The following LRRC37A3 variants were observed in gnomAD, a reference collection of about 807,000 sequenced individuals.
The protein encoded by LRRC37A3 is leucine-rich repeat-containing protein 37A3.
In LRRC37A3, 25 loss-of-function variants were observed where a neutral mutation model predicts 106.2. That is an observed-to-expected ratio of 0.24 (90% CI 0.17 to 0.33). The LOEUF is 0.33. LRRC37A3 is among the 10% of genes least tolerant of loss of function. The pLI, the probability that LRRC37A3 is intolerant of heterozygous loss-of-function variation, is 1.00. For missense variants in LRRC37A3, 712 were observed against 1,644.9 expected (o/e 0.43, Z 9.81); for synonymous variants, 305 against 635.8 (o/e 0.48, Z 7.83).
At chr17:64,862,355 A>T (rs1242514327) in intron 11 of LRRC37A3, among the ~76,000 whole-genome samples, 12 of 152,106 alleles carry the variant, frequency 7.9e-5, no homozygotes, top group African/African-American at 2.4e-5. Flanking sequence ...GGATGGTCTA[A>T]GAATGGAAAA....
intron 4 of LRRC37A3, among the ~76,000 whole-genome samples, chr17:64,893,847 T>C (rs1412946411): frequency 1.4e-5 from 2 of 148,118 alleles, no homozygotes; most frequent in Non-Finnish European, 2.9e-5. Flanking sequence ...AGAGATGGGG[T>C]TTCACCATGT....
chr17:64,854,207 T>C lies in LRRC37A3; in HGVS notation c.*392A>G, dbSNP rs958740748. 2.0e-5 allele frequency: 6 copies of C among 302,802 alleles called. No homozygotes were observed. The highest frequency in any genetic ancestry group is 3.7e-5 in the Non-Finnish European group (6 of 164,098). 18.8% of individuals were successfully genotyped at this position (302,802 alleles called of 1,614,324 possible). A position where few individuals can be genotyped will look rare whatever the true frequency, so the allele number is the denominator to read the frequency against. On this transcript the variant is annotated 3_prime_UTR_variant, in exon 15 of 15. Coordinates refer to ENST00000584306, the MANE Select transcript of LRRC37A3 (RefSeq NM_199340.5). Reference sequence around the variant, plus strand: ...CCTACCAAGTCGGGATGAACATTCATGCGTGTGCTTGAGGGCTTGGGAAAA... The same window carrying C: ...CCTACCAAGTCGGGATGAACATTCACGCGTGTGCTTGAGGGCTTGGGAAAA...
intron 8 of LRRC37A3, among the ~76,000 whole-genome samples, chr17:64,882,665 G>A (rs960285744): frequency 5.3e-5 from 8 of 150,324 alleles, no homozygotes; most frequent in East Asian, 2.0e-4. Context: ...AGACTGGGGG[G>A]AACAGTAAGG....
intron 8 of LRRC37A3, 31 bp from the exon 9 acceptor site, chr17:64,869,197 G>T: frequency 6.2e-7 from 1 of 1,608,294 alleles, no homozygotes; most frequent in South Asian, 1.1e-5. Flanking sequence ...AAAATAACCT[G>T]CATTTTCAAT....
At chr17:64,910,576 C>CA (rs961456654) in intron 2 of LRRC37A3, among the ~76,000 whole-genome samples, 3 of 142,054 alleles carry the variant, frequency 2.1e-5, no homozygotes, top group African/African-American at 7.7e-5. Context: ...TTCTAGACTT[C>CA]AAAAAACAAC....
intron 8 of LRRC37A3, among the ~76,000 whole-genome samples, chr17:64,872,866 T>C (rs958290751): frequency 6.6e-6 from 1 of 152,026 alleles, no homozygotes; most frequent in African/African-American, 2.4e-5. Flanking sequence ...CTTGAGGTTC[T>C]GCACAAGCAA....
At chr17:64,861,412 C>A (rs1469141394) in intron 11 of LRRC37A3, among the ~76,000 whole-genome samples, 6 of 152,192 alleles carry the variant, frequency 3.9e-5, no homozygotes, top group Non-Finnish European at 8.8e-5. Flanking sequence ...TTCTTGCTAC[C>A]ATCACAGCTG....
chr17:64,884,313 A>G (rs952392419), intron 8 of LRRC37A3, among the ~76,000 whole-genome samples: 2 of 151,198 alleles, frequency 1.3e-5, no homozygotes, highest in African/African-American at 4.9e-5. Context: ...TGCCTACATA[A>G]TTGTAGTGAA....
In LRRC37A3 at chr17:64,860,383, C is replaced by T. The variant is rs371356611; in HGVS notation, c.3763G>A (p.Ala1255Thr). The T allele has an allele frequency of 2.9e-5, 46 of 1,613,814 alleles. No individual in the cohort carries two copies. Among genetic ancestry groups the T allele is most frequent in the Admixed American group, 8.3e-5 (5 of 59,986 alleles). ...TTTGCAGGGCTGGAGGTAGAAGGCG[C>T]GCCCTTGGAGAAGGGTTTCAGCACA... ...VSVLKPFSKG[A>T]PSTSSPAKAL... Residue 1255 changes from alanine (A) to threonine (T), a missense_variant, in exon 12 of 15, where the codon GCG becomes ACG. Physicochemically the swap from Ala to Thr is moderately conservative, Grantham distance 58. Transcript: ENST00000584306.
intron 12 of LRRC37A3, among the ~76,000 whole-genome samples, 157 bp downstream of exon 12, chr17:64,859,285 C>A (rs1238787727): frequency 6.6e-6 from 1 of 152,080 alleles, no homozygotes; most frequent in Non-Finnish European, 1.5e-5. Flanking sequence ...CTATTTCACT[C>A]TCTACATGAG....
chr17:64,863,812 T>C (rs1236912433), intron 10 of LRRC37A3, among the ~76,000 whole-genome samples: 1 of 151,970 alleles, frequency 6.6e-6, no homozygotes, highest in Non-Finnish European at 1.5e-5. Context: ...AGGGGAAAAT[T>C]ATTATTTTTT....
intron 9 of LRRC37A3, 70 bp from the exon 10 acceptor site, chr17:64,868,606 T>C: frequency 6.5e-7 from 1 of 1,533,874 alleles, no homozygotes; most frequent in African/African-American, 1.4e-5. Context: ...CAATTCAATT[T>C]TGGCTTCTCT....
In LRRC37A3 at chr17:64,860,385, C is replaced by T; in HGVS notation, c.3761G>A (p.Gly1254Asp). Reference sequence around the variant, plus strand: ...TGCAGGGCTGGAGGTAGAAGGCGCGCCCTTGGAGAAGGGTTTCAGCACAGA... The same window carrying T: ...TGCAGGGCTGGAGGTAGAAGGCGCGTCCTTGGAGAAGGGTTTCAGCACAGA... ...AVSVLKPFSK[G>D]APSTSSPAKA... The change falls in exon 12 of 15, where the codon GGC becomes GAC. Residue 1254 changes from glycine (G) to aspartate (D), a missense_variant. Transcript: ENST00000584306. The T allele has an allele frequency of 6.2e-7, 1 of 1,613,944 alleles. No individual in the cohort carries two copies. The highest frequency in any genetic ancestry group is 8.5e-7 in the Non-Finnish European group (1 of 1,179,874).
intron 1 of LRRC37A3, among the ~76,000 whole-genome samples, chr17:64,919,207 C>T (rs1376377018): frequency 6.6e-6 from 1 of 151,860 alleles, no homozygotes; most frequent in African/African-American, 2.4e-5. Flanking sequence ...GCGCAGCGCT[C>T]CGCAGAGGGA....
intron 13 of LRRC37A3, among the ~76,000 whole-genome samples, chr17:64,856,171 A>C (rs1206398322): frequency 1.3e-5 from 2 of 151,960 alleles, no homozygotes; most frequent in African/African-American, 4.8e-5. Context: ...GCTTATAACC[A>C]ACACGCATCC....
At chr17:64,866,620 ATATATATATTT>A (rs1313989654) in intron 10 of LRRC37A3, among the ~76,000 whole-genome samples, 3 of 24,964 alleles carry the variant, frequency 1.2e-4, no homozygotes, top group Non-Finnish European at 1.3e-4. Context: ...ATATATATAT[ATATATATATTT>A]TTTTTTTTTT....
At position 64,864,390 on chromosome 17, in the gene LRRC37A3, G is replaced by A. The variant is rs1472492327; in HGVS notation, c.3054-1372C>T. Among the ~76,000 whole-genome samples, 3 of 152,172 alleles carry A rather than the reference G, an allele frequency of 2.0e-5. No homozygotes were observed. The East Asian group carries it at 5.8e-4, about 29-fold the overall frequency. ...AGTAGAGGCATGTTTTAGATTAAAGGAAATGAAGACATGACATGCAGTGCC... is the reference window on the plus strand; with the variant it reads ...AGTAGAGGCATGTTTTAGATTAAAGAAAATGAAGACATGACATGCAGTGCC... On this transcript the variant is annotated intron_variant, in intron 10 of 14. Coordinates refer to ENST00000584306, the MANE Select transcript of LRRC37A3 (RefSeq NM_199340.5).
rs1229685712 is a variant in LRRC37A3, at chr17:64,860,605, C to T, written c.3541G>A (p.Glu1181Lys). The change falls in exon 12 of 15, where the codon GAG becomes AAG. Residue 1181 changes from glutamate (E) to lysine (K), a missense_variant. By Grantham distance (56) the Glu-to-Lys change is moderately conservative. Coordinates refer to ENST00000584306, the MANE Select transcript of LRRC37A3 (RefSeq NM_199340.5). Reference sequence around the variant, plus strand: ...CTCCTGATGCTCTGCCTTCCTACCTCTTTGAAGTGCCTTTTCTGGATGCTC... The same window carrying T: ...CTCCTGATGCTCTGCCTTCCTACCTTTTTGAAGTGCCTTTTCTGGATGCTC... Reference protein sequence around the residue: ...PRSIQKRHFKEVGRQSIRREQ... With the variant: ...PRSIQKRHFKKVGRQSIRREQ... The T allele has an allele frequency of 6.2e-7, 1 of 1,613,920 alleles. No individual in the cohort carries two copies. The highest frequency in any genetic ancestry group is 1.1e-5 in the South Asian group (1 of 91,078).
intron 8 of LRRC37A3, among the ~76,000 whole-genome samples, chr17:64,876,011 C>G (rs1283648855): frequency 2.0e-5 from 3 of 152,144 alleles, no homozygotes; most frequent in Non-Finnish European, 4.4e-5. Context: ...GCTGAGACGA[C>G]AGATGCGCAC....
Sources: allele counts gnomAD v4.1 joint callset (sites outside exome capture counted in the v4.1 genomes callset), GRCh38; gene constraint gnomAD v4.1.1; transcripts MANE v1.5; gene names NCBI Gene and HGNC (gene_info 2026-07-23, HGNC 2026-07-21).